The following BAX variants were observed in gnomAD, a reference collection of about 807,000 sequenced individuals.
BAX encodes BCL2 associated X, apoptosis regulator, also known as apoptosis regulator BAX.
Under a neutral mutation model 26.8 loss-of-function variants are expected in BAX, and 21 were observed. The ratio of observed to expected loss-of-function variants is 0.78; its 90% CI spans 0.56 to 1.13. The LOEUF (loss-of-function observed/expected upper bound fraction) is 1.13. BAX is among the 50% of genes most tolerant of loss of function. The probability of loss-of-function intolerance (pLI) is 0.00; values close to 1 mark genes in which losing one functional copy is unlikely to be tolerated. For missense variants in BAX, 236 were observed against 254.6 expected, an observed-to-expected ratio of 0.93 and a Z score of 0.50; for synonymous variants, 110 against 101.8, an observed-to-expected ratio of 1.08 and a Z score of -0.49.
intron 1 of BAX, chr19:48,955,223 G>A (rs2038075985): frequency 4.6e-6 from 2 of 433,160 alleles, no homozygotes; most frequent in Admixed American, 4.4e-5. Context: ...GGGCAGGCCC[G>A]GGCTTGTCGC....
At chr19:48,959,358 A>C (rs1288641603) in intron 4 of BAX, among the ~76,000 whole-genome samples, 1 of 150,582 alleles carries the variant, frequency 6.6e-6, no homozygotes, top group African/African-American at 2.4e-5. Flanking sequence ...TCAAAAAAAA[A>C]AAAAAAAAAA....
At chr19:48,959,451 G>T (rs7255559) in intron 4 of BAX, among the ~76,000 whole-genome samples, 1 of 147,610 alleles carries the variant, frequency 6.8e-6, no homozygotes, top group Non-Finnish European at 1.5e-5. Flanking sequence ...CTGTTTAGGC[G>T]GAAACAGGAG....
intron 5 of BAX, 63 bp downstream of exon 5, chr19:48,960,977 G>A (rs369919235): frequency 9.3e-5 from 128 of 1,374,514 alleles, no homozygotes; most frequent in East Asian, 3.4e-4. Flanking sequence ...CTGCCCCACC[G>A]TCCCTGCCCC....
At chr19:48,958,345 ATTTTTTTT>A (rs34043541) in intron 4 of BAX, among the ~76,000 whole-genome samples, 22 of 64,478 alleles carry the variant, frequency 3.4e-4, no homozygotes, top group East Asian at 6.6e-4. Context: ...TTTTTGGAAG[ATTTTTTTT>A]TTTTTTTTTT....
intron 1 of BAX, chr19:48,955,242 C>T: frequency 2.4e-6 from 1 of 419,850 alleles, no homozygotes; most frequent in Non-Finnish European, 4.1e-6. Context: ...GCCCGCACCA[C>T]TTCCTGCCTC....
chr19:48,960,709 C>T, intron 4 of BAX, 101 bp from the exon 5 acceptor site: 1 of 1,079,582 alleles, frequency 9.3e-7, no homozygotes, highest in East Asian at 2.4e-5. Flanking sequence ...TGGCAGAAAT[C>T]TTTGAGGGGA....
At chr19:48,955,192 G>T (rs2038074242) in intron 1 of BAX, 1 of 500,434 alleles carries the variant, frequency 2.0e-6, no homozygotes. Flanking sequence ...AGAACCAGGG[G>T]ATCTCGGAAG....
At position 48,954,936 on chromosome 19, in the gene BAX, G is replaced by A; in HGVS notation, c.8G>A (p.Gly3Glu). 1 of 1,242,326 alleles carries A rather than the reference G, an allele frequency of 8.0e-7. No individual in the cohort carries two copies. The highest frequency in any genetic ancestry group is 1.0e-6 in the Non-Finnish European group (1 of 992,166). The allele number at this position is 1,242,326 out of a possible 1,614,324, so 77.0% of individuals were successfully genotyped here. A position where few individuals can be genotyped will look rare whatever the true frequency, so the allele number is the denominator to read the frequency against. ...GCGGCGGGAGCGGCGGTGATGGACG[G>A]GTCCGGGGAGCAGCCCAGAGGCGGG... is the stretch of plus-strand genomic sequence containing the variant. MD[G>E]SGEQPRGGGP... The change falls in exon 1 of 6, where the codon GGG becomes GAG. Residue 3 changes from glycine (G) to glutamate (E), a missense_variant. Gly to Glu is a moderately conservative substitution (Grantham distance 98). Transcript: ENST00000345358.
chr19:48,956,155 C>A (rs778652291), intron 3 of BAX, 43 bp from the exon 4 acceptor site: 1 of 1,478,450 alleles, frequency 6.8e-7, no homozygotes, highest in Non-Finnish European at 9.0e-7. Flanking sequence ...CCACCATCAG[C>A]CTGATGCCTG....
At chr19:48,957,616 T>C (rs1241387746) in intron 4 of BAX, among the ~76,000 whole-genome samples, 1 of 152,080 alleles carries the variant, frequency 6.6e-6, no homozygotes, top group Admixed American at 6.6e-5. Context: ...TGGGAGTGAT[T>C]GGCTGGTTTT....
Position 48,954,949 on chromosome 19 carries a change from G to T in BAX, c.21G>T (p.Gln7His). The T allele has an allele frequency of 3.2e-6, 4 of 1,246,178 alleles. No homozygotes were observed. The highest frequency in any genetic ancestry group is 4.0e-6 in the Non-Finnish European group (4 of 993,966). 77.2% of individuals were successfully genotyped at this position (1,246,178 alleles called of 1,614,324 possible). A position where few individuals can be genotyped will look rare whatever the true frequency, so the allele number is the denominator to read the frequency against. ...CGGTGATGGACGGGTCCGGGGAGCA[G>T]CCCAGAGGCGGGGGTGAGGCGGGAG... MDGSGEQPRGGGPTSSE... is the reference protein window; with the variant it reads MDGSGEHPRGGGPTSSE... The change falls in exon 1 of 6, where the codon CAG becomes CAT. Residue 7 changes from glutamine to histidine, a missense_variant. By Grantham distance (24) the Gln-to-His change is conservative. Transcript: ENST00000345358.
rs750039474 is a variant in BAX at position 48,961,749 on chromosome 19, G to T, written c.*113G>T. Reference sequence around the variant, plus strand: ...TTCTTACTTTTGTAATTATTGGGGGGTGTGGGGAAGAGTGGTCTTGAGGGG... The same window carrying T: ...TTCTTACTTTTGTAATTATTGGGGGTTGTGGGGAAGAGTGGTCTTGAGGGG... On this transcript the variant is annotated 3_prime_UTR_variant, in exon 6 of 6. Coordinates refer to ENST00000345358, the MANE Select transcript of BAX (RefSeq NM_138761.4). 7 of 923,070 alleles carry T rather than the reference G, an allele frequency of 7.6e-6. No homozygotes were observed. Among genetic ancestry groups the T allele is most frequent in the South Asian group, 1.6e-5 (1 of 63,424 alleles). The allele number at this position is 923,070 out of a possible 1,614,324, so 57.2% of individuals were successfully genotyped here.
Position 48,960,934 on chromosome 19 carries a change from C to A in BAX, c.474+20C>A, listed in dbSNP as rs772452241. 1.7e-5 allele frequency: 28 copies of A among 1,613,570 alleles called. No homozygotes were observed. Among genetic ancestry groups the A allele is most frequent in the African/African-American group, 5.3e-5 (4 of 74,878 alleles). ...GGTTGGGTGAGACTCCTCAAGCCTCCTCACCCCCACCACCGCGCCCTCACC... is the reference window on the plus strand; with the variant it reads ...GGTTGGGTGAGACTCCTCAAGCCTCATCACCCCCACCACCGCGCCCTCACC... On this transcript the variant is annotated intron_variant, in intron 5 of 5. Coordinates refer to ENST00000345358, the MANE Select transcript of BAX (RefSeq NM_138761.4).
chr19:48,955,219 G>T (rs896432250), intron 1 of BAX: 1 of 438,406 alleles, frequency 2.3e-6, no homozygotes, highest in Non-Finnish European at 3.8e-6. Context: ...CCCCGGGCAG[G>T]CCCGGGCTTG....
In BAX at chr19:48,954,915, C is replaced by A; in HGVS notation, c.-14C>A. The A allele has an allele frequency of 8.2e-7, 1 of 1,226,354 alleles. No homozygotes were observed. The highest frequency in any genetic ancestry group is 1.0e-6 in the Non-Finnish European group (1 of 983,768). The allele number at this position is 1,226,354 out of a possible 1,614,324, so 76.0% of individuals were successfully genotyped here. On this transcript the variant is annotated 5_prime_UTR_variant, in exon 1 of 6. Transcript: ENST00000345358. Reference sequence around the variant, plus strand: ...GCGCGGACCCGGCGAGAGGCGGCGGCGGGAGCGGCGGTGATGGACGGGTCC... The same window carrying A: ...GCGCGGACCCGGCGAGAGGCGGCGGAGGGAGCGGCGGTGATGGACGGGTCC...
At chr19:48,960,774 A>G (rs763965186) in intron 4 of BAX, 36 bp from the exon 5 acceptor site, 3 of 1,531,864 alleles carry the variant, frequency 2.0e-6, no homozygotes, top group East Asian at 4.6e-5. Flanking sequence ...AGTGGGGACA[A>G]GGTTCAGTCC....
rs535986446 is a variant in BAX, at chr19:48,955,985, C to G, written c.233+152C>G. The G allele has an allele frequency of 1.1e-5, 13 of 1,168,664 alleles. No individual in the cohort carries two copies. The African/African-American group carries it at 1.6e-4, about 14-fold the overall frequency. The allele number at this position is 1,168,664 out of a possible 1,614,324, so 72.4% of individuals were successfully genotyped here. A position where few individuals can be genotyped will look rare whatever the true frequency, so the allele number is the denominator to read the frequency against. ...CCGGACTCCCAGCCCTCCTCTCTGC[C>G]AGGATCTTAAAACCCTCCTTCAGGG... On this transcript the variant is annotated intron_variant, in intron 3 of 5. Transcript: ENST00000345358.
At chr19:48,957,494 C>T (rs200639209) in intron 4 of BAX, among the ~76,000 whole-genome samples, 2,438 of 148,646 alleles carry the variant, frequency 0.016, 46 homozygotes, top group East Asian at 0.068. Flanking sequence ...AGGCTGGTCT[C>T]AAACTCCTGG....
At chr19:48,960,951 G>A (rs750387674) in intron 5 of BAX, 37 bp downstream of exon 5, 12 of 1,612,200 alleles carry the variant, frequency 7.4e-6, no homozygotes, top group African/African-American at 5.4e-5. Flanking sequence ...CCACCACCGC[G>A]CCCTCACCAC....
Sources: gnomAD v4.1 joint callset for allele counts (sites outside exome capture counted in the v4.1 genomes callset) on GRCh38, gnomAD v4.1.1 for gene constraint, MANE v1.5 for transcripts, NCBI Gene and HGNC (gene_info 2026-07-23, HGNC 2026-07-21) for gene names.